Variants in PTPRD observed in about 807,000 individuals in gnomAD.
The protein encoded by PTPRD is receptor-type tyrosine-protein phosphatase delta.
Under a neutral mutation model 214.5 loss-of-function variants are expected in PTPRD, and 34 were observed. That is an observed-to-expected ratio of 0.16 (90% CI 0.12 to 0.21). The LOEUF is 0.21. Among genes scored for constraint, PTPRD ranks in the 10% least tolerant of loss-of-function variants. PTPRD has a pLI of 1.00. For synonymous variants in PTPRD, 1,128 were observed against 845.7 expected, an observed-to-expected ratio of 1.33 and a Z score of -5.79; for missense variants, 2,545 against 2,398.7, an observed-to-expected ratio of 1.06 and a Z score of -1.27.
At chr9:10,414,917 G>A (rs1036180733) in intron 2 of PTPRD, among the ~76,000 whole-genome samples, 2 of 151,632 alleles carry the variant, frequency 1.3e-5, no homozygotes, top group Non-Finnish European at 2.9e-5. Context: ...AACAGATACT[G>A]GGGTCTACTT....
intron 10 of PTPRD, among the ~76,000 whole-genome samples, chr9:9,096,623 G>A (rs187022759): frequency 6.6e-6 from 1 of 152,034 alleles, no homozygotes; most frequent in Admixed American, 6.5e-5. Flanking sequence ...GTTACATAGA[G>A]ATTATCAGAA....
At chr9:9,316,997 C>G (rs994909622) in intron 9 of PTPRD, among the ~76,000 whole-genome samples, 13 of 152,160 alleles carry the variant, frequency 8.5e-5, no homozygotes, top group African/African-American at 3.1e-4. Flanking sequence ...AAACATGGCC[C>G]TTCTCTCCTT....
At chr9:10,353,840 T>A (rs2097222286) in intron 2 of PTPRD, among the ~76,000 whole-genome samples, 1 of 152,002 alleles carries the variant, frequency 6.6e-6, no homozygotes, top group African/African-American at 2.4e-5. Context: ...TTTTTCCATG[T>A]TGCTTTGGAA....
At position 8,845,617 on chromosome 9, in the gene PTPRD, T is replaced by C. The variant is rs200946231; in HGVS notation, c.-103-111671A>G. ...TGTCCCATGCCACCCAGCAAGTACA[T>C]CAAAAACAAGATTAGATACTGCAAA... On this transcript the variant is annotated intron_variant, in intron 11 of 45. Coordinates refer to ENST00000381196, the MANE Select transcript of PTPRD (RefSeq NM_002839.4). Among the ~76,000 whole-genome samples the C allele has an allele frequency of 9.2e-5, 14 of 152,222 alleles. No individual in the cohort carries two copies. The East Asian group carries it at 2.7e-3, about 29-fold the overall frequency.
intron 11 of PTPRD, among the ~76,000 whole-genome samples, chr9:8,907,648 G>C (rs2098718411): frequency 6.6e-6 from 1 of 150,738 alleles, no homozygotes; most frequent in Non-Finnish European, 1.5e-5. Context: ...GTGTTTAATG[G>C]TACAATAACA....
chr9:9,162,153 A>AT (rs1417094995), intron 10 of PTPRD, among the ~76,000 whole-genome samples: 4 of 152,102 alleles, frequency 2.6e-5, no homozygotes, highest in South Asian at 2.1e-4. Context: ...TCACAGTGAG[A>AT]TTTTTTCTTA....
intron 11 of PTPRD, among the ~76,000 whole-genome samples, chr9:8,887,510 C>G (rs1288719680): frequency 1.3e-5 from 2 of 152,176 alleles, no homozygotes; most frequent in Non-Finnish European, 2.9e-5. Flanking sequence ...CCTTTTAAAT[C>G]TGAACTTCTT....
chr9:10,217,874 G>C (rs886089659), intron 3 of PTPRD, among the ~76,000 whole-genome samples: 1 of 151,858 alleles, frequency 6.6e-6, no homozygotes, highest in African/African-American at 2.4e-5. Flanking sequence ...CTTTCAAGAT[G>C]CTCCATTGGC....
At chr9:9,136,631 A>G (rs918849220) in intron 10 of PTPRD, among the ~76,000 whole-genome samples, 3 of 152,176 alleles carry the variant, frequency 2.0e-5, no homozygotes, top group East Asian at 1.9e-4. Context: ...AAATAGTCCA[A>G]TGGTTAAAAA....
At chr9:8,968,384 G>C (rs1368634071) in intron 11 of PTPRD, among the ~76,000 whole-genome samples, 5 of 151,836 alleles carry the variant, frequency 3.3e-5, no homozygotes, top group East Asian at 2.0e-4. Flanking sequence ...GTGTAAAAGT[G>C]TTCCTATTTC....
intron 14 of PTPRD, among the ~76,000 whole-genome samples, chr9:8,546,400 T>C (rs926867965): frequency 6.6e-6 from 1 of 152,222 alleles, no homozygotes; most frequent in Non-Finnish European, 1.5e-5. Context: ...ATGCAGAGAA[T>C]AGCATTTACT....
intron 5 of PTPRD, among the ~76,000 whole-genome samples, chr9:9,933,144 C>T (rs904828650): frequency 2.4e-4 from 37 of 152,182 alleles, no homozygotes; most frequent in Non-Finnish European, 3.1e-4. Context: ...TAAAGACCAT[C>T]GAGACTAGGA....
chr9:9,720,757 G>A (rs2097921122), intron 7 of PTPRD, among the ~76,000 whole-genome samples: 1 of 152,058 alleles, frequency 6.6e-6, no homozygotes, highest in African/African-American at 2.4e-5. Flanking sequence ...GCCCATCAAT[G>A]ACAGGTTGGA....
At chr9:9,743,516 G>T (rs2098425197) in intron 6 of PTPRD, among the ~76,000 whole-genome samples, 1 of 151,972 alleles carries the variant, frequency 6.6e-6, no homozygotes, top group Non-Finnish European at 1.5e-5. Context: ...GATAATCCTG[G>T]ACTTCATGGG....
intron 12 of PTPRD, among the ~76,000 whole-genome samples, chr9:8,660,872 A>G (rs1235950598): frequency 6.6e-6 from 1 of 152,128 alleles, no homozygotes; most frequent in Non-Finnish European, 1.5e-5. Context: ...CCTGGATAGC[A>G]GTAACAGTGA....
intron 7 of PTPRD, among the ~76,000 whole-genome samples, chr9:9,704,713 G>C (rs890887882): frequency 6.6e-6 from 1 of 152,144 alleles, no homozygotes; most frequent in Non-Finnish European, 1.5e-5. Context: ...CTGACTACCT[G>C]AGACCACTGT....
chr9:9,548,287 T>C lies in PTPRD; in HGVS notation c.-237+26445A>G, dbSNP rs191657173. Among the ~76,000 whole-genome samples the C allele has an allele frequency of 2.3e-4, 35 of 151,882 alleles. No individual in the cohort carries two copies. In the East Asian group the frequency reaches 5.8e-3, roughly 25 times the overall value. ...GACCTAAACCCAAATTTATTCACAA[T>C]TGCATTAAAGAAAAGAGACTAAAAA... On this transcript the variant is annotated intron_variant, in intron 8 of 45. Coordinates refer to ENST00000381196, the MANE Select transcript of PTPRD (RefSeq NM_002839.4).
intron 9 of PTPRD, among the ~76,000 whole-genome samples, chr9:9,368,236 T>C (rs986887734): frequency 4.6e-5 from 7 of 151,800 alleles, no homozygotes; most frequent in African/African-American, 1.7e-4. Flanking sequence ...CTTAACATTA[T>C]TGGGCCTTAT....
At chr9:9,374,637 C>T (rs567716538) in intron 9 of PTPRD, among the ~76,000 whole-genome samples, 26 of 152,246 alleles carry the variant, frequency 1.7e-4, no homozygotes, top group Middle Eastern at 3.4e-3. Flanking sequence ...TTATTTCTCC[C>T]AGGTTAAAAC....
Sources: gnomAD v4.1 joint callset for allele counts (sites outside exome capture counted in the v4.1 genomes callset) on GRCh38, gnomAD v4.1.1 for gene constraint, MANE v1.5 for transcripts, NCBI Gene and HGNC (gene_info 2026-07-23, HGNC 2026-07-21) for gene names.